LINGO2: variants seen among roughly 807,000 people sequenced by gnomAD.
LINGO2 encodes the protein leucine rich repeat and Ig domain containing 2.
A neutral mutation model predicts 30.6 loss-of-function variants in LINGO2; 14 were observed. That is an observed-to-expected ratio of 0.46 (90% CI 0.30 to 0.72). The LOEUF (loss-of-function observed/expected upper bound fraction) is 0.72, where lower values mean the gene tolerates loss of function less well. Ranked by LOEUF, LINGO2 falls within the 30% of genes least tolerant of loss-of-function variation. The pLI, the probability that LINGO2 is intolerant of heterozygous loss-of-function variation, is 0.07. For synonymous variants in LINGO2, 317 were observed against 288.5 expected, an observed-to-expected ratio of 1.10 and a Z score of -1.00; for missense variants, 729 against 751.7, an observed-to-expected ratio of 0.97 and a Z score of 0.35.
intron 4 of LINGO2, among the ~76,000 whole-genome samples, chr9:28,128,716 G>A (rs1174827273): frequency 1.3e-5 from 2 of 152,176 alleles, no homozygotes; most frequent in Non-Finnish European, 1.5e-5. Context: ...TAATGCTCTG[G>A]TGAGGTCCAG....
the LINGO2 span, among the ~76,000 whole-genome samples, chr9:29,160,950 C>T: frequency 6.6e-6 from 1 of 152,220 alleles, no homozygotes; most frequent in African/African-American, 2.4e-5. Context: ...TATAAATGCC[C>T]TGCTGATGTT....
At chr9:28,843,557 C>A in the LINGO2 span, among the ~76,000 whole-genome samples, 6 of 151,850 alleles carry the variant, frequency 4.0e-5, no homozygotes, top group Non-Finnish European at 7.4e-5. Context: ...ATTGAAAAAT[C>A]CGCATGAGGC....
Position 28,148,633 on chromosome 9 carries a change from G to C in LINGO2, c.-86-136228C>G, listed in dbSNP as rs1391120814. 5 of 1,529,390 alleles carry C rather than the reference G, an allele frequency of 3.3e-6. No homozygotes were observed. The African/African-American group carries it at 5.5e-5, about 17-fold the overall frequency. 94.7% of individuals were successfully genotyped at this position (1,529,390 alleles called of 1,614,324 possible). ...AGGGAAATGTCCACCTCAAGAGCTTGACAGAAAACAACCAGACTGACAAGG... is the reference window on the plus strand; with the variant it reads ...AGGGAAATGTCCACCTCAAGAGCTTCACAGAAAACAACCAGACTGACAAGG... On this transcript the variant is annotated intron_variant, in intron 4 of 5. Transcript: ENST00000379992. This position sits in a 1 kb window ranked among gnomAD's most constrained non-coding sequence, Gnocchi z 5.1.
chr9:28,878,380 T>C, the LINGO2 span, among the ~76,000 whole-genome samples: 2 of 152,112 alleles, frequency 1.3e-5, no homozygotes, highest in Non-Finnish European at 2.9e-5. Flanking sequence ...CAGGACTAGA[T>C]GGATTCACAG....
the LINGO2 span, among the ~76,000 whole-genome samples, chr9:28,903,139 T>C: frequency 6.6e-6 from 1 of 150,712 alleles, no homozygotes; most frequent in Non-Finnish European, 1.5e-5. Flanking sequence ...CTAATCTAAA[T>C]AAGAAAAGAC....
chr9:28,357,224 T>C (rs1246669470), intron 3 of LINGO2, among the ~76,000 whole-genome samples: 2 of 151,670 alleles, frequency 1.3e-5, no homozygotes, highest in African/African-American at 4.8e-5. Flanking sequence ...TTCTATAGGC[T>C]TAAAATTAAC....
At chr9:28,755,348 C>G in the LINGO2 span, among the ~76,000 whole-genome samples, 5 of 152,044 alleles carry the variant, frequency 3.3e-5, no homozygotes, top group Non-Finnish European at 7.4e-5. Flanking sequence ...AGCTCTGCGG[C>G]CTTGAGCAAA....
chr9:28,674,448 G>C (rs1829143326), upstream of LINGO2, among the ~76,000 whole-genome samples: 1 of 152,068 alleles, frequency 6.6e-6, no homozygotes, highest in Admixed American at 6.5e-5. Context: ...AATGTTTCTA[G>C]GTAGAAATAG....
intron 1 of LINGO2, among the ~76,000 whole-genome samples, chr9:28,647,501 T>G (rs1827892696): frequency 6.6e-6 from 1 of 152,162 alleles, no homozygotes; most frequent in Non-Finnish European, 1.5e-5. Context: ...TAAATAATAC[T>G]TTATAATGTA....
chr9:29,127,933 C>T, the LINGO2 span, among the ~76,000 whole-genome samples: 2 of 152,076 alleles, frequency 1.3e-5, no homozygotes, highest in South Asian at 2.1e-4. Context: ...GTCTCTTAAG[C>T]GATTTGACCT....
chr9:28,030,027 A>G (rs1251474206), intron 4 of LINGO2, among the ~76,000 whole-genome samples: 2 of 152,188 alleles, frequency 1.3e-5, no homozygotes, highest in Non-Finnish European at 2.9e-5. Context: ...GCCACCAGAT[A>G]TCAGAATACA....
At chr9:28,861,554 A>G in the LINGO2 span, among the ~76,000 whole-genome samples, 25,992 of 150,216 alleles carry the variant, frequency 0.17, 2,366 homozygotes, top group East Asian at 0.31. Flanking sequence ...AAGCATGAGT[A>G]TCTAGTGAGA....
intron 2 of LINGO2, among the ~76,000 whole-genome samples, chr9:28,449,948 A>G (rs1291283915): frequency 6.6e-6 from 1 of 151,902 alleles, no homozygotes; most frequent in African/African-American, 2.4e-5. Context: ...TGGTCCTTGC[A>G]TTGCAGGAAG....
intron 1 of LINGO2, among the ~76,000 whole-genome samples, chr9:28,545,512 A>G (rs1006440544): frequency 2.6e-5 from 4 of 152,066 alleles, no homozygotes; most frequent in Non-Finnish European, 5.9e-5. Flanking sequence ...AGGCACTATA[A>G]TATATGGGAA....
chr9:28,624,751 G>T (rs1181750435), intron 1 of LINGO2, among the ~76,000 whole-genome samples: 1 of 151,370 alleles, frequency 6.6e-6, no homozygotes, highest in African/African-American at 2.4e-5. Flanking sequence ...AGTAGGATTG[G>T]TATTAGTCTA....
the LINGO2 span, among the ~76,000 whole-genome samples, chr9:28,948,080 T>C: frequency 1.3e-5 from 2 of 152,080 alleles, no homozygotes; most frequent in African/African-American, 4.8e-5. Context: ...CCATCCTTGA[T>C]GACACTATTG....
chr9:28,759,771 G>A, the LINGO2 span, among the ~76,000 whole-genome samples: 1 of 151,946 alleles, frequency 6.6e-6, no homozygotes, highest in South Asian at 2.1e-4. Context: ...TAGCCAAGAG[G>A]CTCCAGTAGT....
intron 4 of LINGO2, among the ~76,000 whole-genome samples, chr9:28,111,852 A>C (rs1826803032): frequency 6.6e-6 from 1 of 152,180 alleles, no homozygotes; most frequent in Admixed American, 6.5e-5. Flanking sequence ...CTCACTATAT[A>C]TGAAGGTGAT....
At chr9:28,143,059 G>A (rs921513977) in intron 4 of LINGO2, among the ~76,000 whole-genome samples, 5 of 152,140 alleles carry the variant, frequency 3.3e-5, no homozygotes, top group African/African-American at 1.2e-4. Context: ...AGCTAAGGGT[G>A]GGACTCTAAG....
Sources: gnomAD v4.1 joint callset for allele counts (sites outside exome capture counted in the v4.1 genomes callset) on GRCh38, gnomAD v4.1.1 for gene constraint, Gnocchi (gnomAD v3.1) non-coding constraint, MANE v1.5 for transcripts, NCBI Gene and HGNC (gene_info 2026-07-23, HGNC 2026-07-21) for gene names.